Variants in MS4A4A observed in about 807,000 individuals in gnomAD.
The protein encoded by MS4A4A is membrane-spanning 4-domains subfamily A member 4A.
In MS4A4A, 26 loss-of-function variants were observed where a neutral mutation model predicts 28.0. The ratio of observed to expected loss-of-function variants is 0.93; its 90% CI spans 0.68 to 1.29. The LOEUF (loss-of-function observed/expected upper bound fraction) is 1.29, where lower values mean the gene tolerates loss of function less well. Among genes scored for constraint, MS4A4A ranks in the 50% most tolerant of loss-of-function variants. MS4A4A has a pLI of 0.00. For synonymous variants in MS4A4A, 86 were observed against 100.8 expected, an observed-to-expected ratio of 0.85 and a Z score of 0.88; for missense variants, 290 against 293.1, an observed-to-expected ratio of 0.99 and a Z score of 0.08.
chr11:60,303,281 C>T (rs1301352626), intron 5 of MS4A4A, among the ~76,000 whole-genome samples: 4 of 152,150 alleles, frequency 2.6e-5, no homozygotes, highest in African/African-American at 9.7e-5. Context: ...TTGCTTTATT[C>T]TGAAAATGCC....
At chr11:60,293,654 C>T (rs908389831) in intron 2 of MS4A4A, among the ~76,000 whole-genome samples, 5 of 152,204 alleles carry the variant, frequency 3.3e-5, no homozygotes, top group African/African-American at 1.2e-4. Flanking sequence ...CCCTGGCAAC[C>T]ACAAATCTTT....
intron 2 of MS4A4A, among the ~76,000 whole-genome samples, chr11:60,292,992 A>G (rs1184548624): frequency 1.3e-5 from 2 of 152,196 alleles, no homozygotes; most frequent in African/African-American, 2.4e-5. Context: ...GAGGGGGGGA[A>G]ATATAGTTAT....
chr11:60,294,892 ACTTCTTCTTCTTCTTCTTCTT>A (rs71036569), intron 2 of MS4A4A, among the ~76,000 whole-genome samples: 4,217 of 130,942 alleles, frequency 0.032, 77 homozygotes, highest in African/African-American at 0.041. Flanking sequence ...TACAACTACT[ACTTCTTCTTCTTCTTCTTCTT>A]CTTCTTCTTC....
intron 2 of MS4A4A, 96 bp downstream of exon 2, chr11:60,292,480 A>C: frequency 7.9e-7 from 1 of 1,270,208 alleles, no homozygotes; most frequent in Non-Finnish European, 1.0e-6. Flanking sequence ...CTCATAATAC[A>C]ACAGCCAACC....
chr11:60,300,444 G>A (rs573030707), intron 3 of MS4A4A, among the ~76,000 whole-genome samples: 3 of 151,720 alleles, frequency 2.0e-5, no homozygotes, highest in Non-Finnish European at 4.4e-5. Context: ...GTGAAACCCC[G>A]TCTCTACTAA....
intron 5 of MS4A4A, chr11:60,305,846 T>C (rs945693711): frequency 1.1e-5 from 5 of 437,294 alleles, no homozygotes; most frequent in East Asian, 3.8e-5. Context: ...TTAAAGCACT[T>C]TCATCTTCCA....
chr11:60,302,698 G>A lies in MS4A4A; in HGVS notation c.527G>A (p.Gly176Glu), dbSNP rs1014122376. The change falls in exon 5 of 7, where the codon GGG becomes GAG. Residue 176 changes from glycine to glutamate, a missense_variant. By Grantham distance (98) the Gly-to-Glu change is moderately conservative. Transcript: ENST00000337908. ...NYYGNSNNCH[G>E]TMSILMGLDG... ...TATGGCAACTCAAATAATTGTCATG[G>A]GACTATGTCCATCTTAATGGTTGGT... is the stretch of plus-strand genomic sequence containing the variant. 2 of 1,613,804 alleles carry A rather than the reference G, an allele frequency of 1.2e-6. No homozygotes were observed. Among genetic ancestry groups the A allele is most frequent in the Non-Finnish European group, 1.7e-6 (2 of 1,179,810 alleles).
At chr11:60,294,892 A>ACTTCTTCTTCGT (rs2084890315) in intron 2 of MS4A4A, among the ~76,000 whole-genome samples, 1 of 130,846 alleles carries the variant, frequency 7.6e-6, no homozygotes, top group Admixed American at 7.9e-5. Flanking sequence ...TACAACTACT[A>ACTTCTTCTTCGT]CTTCTTCTTC....
At chr11:60,284,155 C>T (rs1246944392) in intron 1 of MS4A4A, among the ~76,000 whole-genome samples, 1 of 152,246 alleles carries the variant, frequency 6.6e-6, no homozygotes, top group Non-Finnish European at 1.5e-5. Flanking sequence ...GGCCCTGCCA[C>T]TGTTTACTCA....
intron 6 of MS4A4A, among the ~76,000 whole-genome samples, chr11:60,306,553 G>A (rs1427861961): frequency 1.3e-5 from 2 of 152,152 alleles, no homozygotes; most frequent in African/African-American, 4.8e-5. Context: ...AACGGATGAG[G>A]TCCATTCAGA....
chr11:60,298,767 A>G (rs1590758543), intron 3 of MS4A4A, among the ~76,000 whole-genome samples: 1 of 152,238 alleles, frequency 6.6e-6, no homozygotes, highest in Admixed American at 6.5e-5. Flanking sequence ...CAGGAACTGC[A>G]GGAGCCATTT....
chr11:60,289,752 C>G (rs915261294), intron 1 of MS4A4A, among the ~76,000 whole-genome samples: 2 of 151,856 alleles, frequency 1.3e-5, no homozygotes, highest in Non-Finnish European at 2.9e-5. Flanking sequence ...CTATTATGAC[C>G]ATTTTCTTGT....
intron 1 of MS4A4A, among the ~76,000 whole-genome samples, chr11:60,288,761 C>T (rs189450401): frequency 6.6e-6 from 1 of 152,202 alleles, no homozygotes; most frequent in African/African-American, 2.4e-5. Flanking sequence ...GTGGCTTGGT[C>T]CTTGGGTTTC....
chr11:60,283,733 T>C (rs2084777170), intron 1 of MS4A4A, among the ~76,000 whole-genome samples: 1 of 152,202 alleles, frequency 6.6e-6, no homozygotes, highest in Non-Finnish European at 1.5e-5. Context: ...TGTAACAAAA[T>C]TTGAGGATGT....
intron 1 of MS4A4A, among the ~76,000 whole-genome samples, chr11:60,289,178 C>G (rs1486850284): frequency 6.6e-6 from 1 of 152,172 alleles, no homozygotes; most frequent in Non-Finnish European, 1.5e-5. Flanking sequence ...AGGGGCAACA[C>G]AGTAGCAGCT....
intron 6 of MS4A4A, 129 bp from the exon 7 acceptor site, chr11:60,307,978 T>C: frequency 1.2e-6 from 1 of 828,014 alleles, no homozygotes; most frequent in Non-Finnish European, 2.0e-6. Flanking sequence ...AAACCCCACA[T>C]ACTTGATCTT....
At chr11:60,293,124 C>G (rs1285227960) in intron 2 of MS4A4A, among the ~76,000 whole-genome samples, 1 of 152,154 alleles carries the variant, frequency 6.6e-6, no homozygotes, top group Non-Finnish European at 1.5e-5. Context: ...GTGGCACAAT[C>G]TGGGCTCACT....
rs533260333 is a variant in MS4A4A, at chr11:60,289,868, CA to C, written c.42-2355del. Reference sequence around the variant, plus strand: ...AACACATTGGCCAATTGTTTTCTGTCAACACTATTTTGTATTTGAAATTTGA... The same window carrying C: ...AACACATTGGCCAATTGTTTTCTGTCACACTATTTTGTATTTGAAATTTGA... On this transcript the variant is annotated intron_variant, in intron 1 of 6. Coordinates refer to ENST00000337908, the MANE Select transcript of MS4A4A (RefSeq NM_148975.3). Among the ~76,000 whole-genome samples the C allele has an allele frequency of 3.3e-5, 5 of 152,136 alleles. No homozygotes were observed. In the South Asian group the frequency reaches 1.0e-3, roughly 32 times the overall value.
intron 6 of MS4A4A, among the ~76,000 whole-genome samples, chr11:60,307,767 C>G (rs369962785): frequency 7.2e-5 from 11 of 152,120 alleles, no homozygotes; most frequent in African/African-American, 2.7e-4. Context: ...ATGTTGATGT[C>G]ATCAGCATGA....
Sources: gnomAD v4.1 joint callset for allele counts (sites outside exome capture counted in the v4.1 genomes callset) on GRCh38, gnomAD v4.1.1 for gene constraint, MANE v1.5 for transcripts, NCBI Gene and HGNC (gene_info 2026-07-23, HGNC 2026-07-21) for gene names.